The following PCDHGA3 variants were observed in gnomAD, a reference collection of about 807,000 sequenced individuals.
The protein encoded by PCDHGA3 is protocadherin gamma-A3.
PCDHGA3 carries 40 observed loss-of-function variants against 58.5 expected under a neutral mutation model. The observed-to-expected ratio is 0.68, with a 90% CI of 0.53 to 0.89. PCDHGA3 has a LOEUF of 0.89. Ranked by LOEUF, PCDHGA3 falls within the 40% of genes least tolerant of loss-of-function variation. PCDHGA3 has a pLI of 0.00. For missense variants in PCDHGA3, 1,223 were observed against 1,195.9 expected (o/e 1.02, Z -0.33); for synonymous variants, 530 against 525.7 (o/e 1.01, Z -0.11).
At chr5:141,367,861 G>A (rs1344780297) in intron 1 of PCDHGA3, 1 of 152,032 alleles carries the variant, frequency 6.6e-6, no homozygotes, top group Non-Finnish European at 1.5e-5. Context: ...GTTTCTTTAA[G>A]TGTAGGTGCA....
intron 1 of PCDHGA3, among the ~76,000 whole-genome samples, chr5:141,406,975 C>A (rs1434644612): frequency 6.6e-6 from 1 of 152,108 alleles, no homozygotes; most frequent in African/African-American, 2.4e-5. Flanking sequence ...TAGTAAATAA[C>A]ATTTCACAAG....
chr5:141,445,115 A>G (rs1038787011), intron 1 of PCDHGA3, among the ~76,000 whole-genome samples: 1 of 152,308 alleles, frequency 6.6e-6, no homozygotes, highest in East Asian at 1.9e-4. Flanking sequence ...GTTATTGTAA[A>G]TAGTATTTTT....
At chr5:141,473,966 G>A (rs1268822103) in intron 1 of PCDHGA3, among the ~76,000 whole-genome samples, 3 of 152,174 alleles carry the variant, frequency 2.0e-5, no homozygotes, top group Non-Finnish European at 4.4e-5. Context: ...CTACTTAGAA[G>A]TCTGAGGCGG....
At chr5:141,501,423 A>G (rs1195105794) in intron 2 of PCDHGA3, among the ~76,000 whole-genome samples, 4 of 151,966 alleles carry the variant, frequency 2.6e-5, no homozygotes, top group African/African-American at 7.2e-5. Flanking sequence ...AGTTGACTAA[A>G]TGTAGTCCAT....
At chr5:141,362,732 A>G in intron 1 of PCDHGA3, 4 of 795,358 alleles carry the variant, frequency 5.0e-6, no homozygotes. Flanking sequence ...TGTGAGATTT[A>G]TTTACCCATG....
chr5:141,379,834 GA>G (rs199662644), intron 1 of PCDHGA3, among the ~76,000 whole-genome samples: 1 of 141,412 alleles, frequency 7.1e-6, no homozygotes, highest in Non-Finnish European at 1.5e-5. Context: ...GAAGCATCAG[GA>G]AAAAAAACTA....
intron 1 of PCDHGA3, among the ~76,000 whole-genome samples, chr5:141,470,598 G>A (rs2099234276): frequency 6.6e-6 from 1 of 152,184 alleles, no homozygotes; most frequent in Admixed American, 6.5e-5. Flanking sequence ...GGCGACCTGT[G>A]CGGGGACACA....
chr5:141,483,648 TTGTGTGTGTGTGTG>T (rs111458813), intron 1 of PCDHGA3, among the ~76,000 whole-genome samples: 1 of 149,592 alleles, frequency 6.7e-6, no homozygotes, highest in Non-Finnish European at 1.5e-5. Flanking sequence ...GGGTGTGTGT[TTGTGTGTGTGTGTG>T]TGTGTGTAAA....
intron 1 of PCDHGA3, among the ~76,000 whole-genome samples, chr5:141,453,679 T>C (rs960698192): frequency 2.0e-5 from 3 of 152,230 alleles, no homozygotes; most frequent in Non-Finnish European, 2.9e-5. Context: ...GGTAACACAC[T>C]ATGTAGGTAG....
intron 1 of PCDHGA3, chr5:141,366,068 C>T: frequency 6.2e-7 from 1 of 1,614,238 alleles, no homozygotes; most frequent in Admixed American, 1.7e-5. Flanking sequence ...GCTGGCGCCT[C>T]GCTCCGCAGA....
chr5:141,404,754 A>G, intron 1 of PCDHGA3: 1 of 1,612,286 alleles, frequency 6.2e-7, no homozygotes, highest in Non-Finnish European at 8.5e-7. Flanking sequence ...TCAGGCCAGA[A>G]TGCTTGGCTC....
At chr5:141,404,097 T>C in intron 1 of PCDHGA3, 1 of 1,613,584 alleles carries the variant, frequency 6.2e-7, no homozygotes, top group Non-Finnish European at 8.5e-7. Flanking sequence ...AATGGTCAAG[T>C]TGTCTGTTCT....
chr5:141,345,461 C>A lies in PCDHGA3; in HGVS notation c.1428C>A (p.Ala476=). The A allele has an allele frequency of 6.2e-7, 1 of 1,614,160 alleles. No individual in the cohort carries two copies. The highest frequency in any genetic ancestry group is 8.5e-7 in the Non-Finnish European group (1 of 1,180,030). ...GAGCCTCCATCTTCTCAGTGACAGC[C>A]CAGGACCCAGATAGCAACAACAACG... ...PRGASIFSVT[A]QDPDSNNNAR... is the part of the protein sequence containing the mutation. The change falls in exon 1 of 4, where the codon GCC becomes GCA. Residue 476 remains alanine (A), a synonymous_variant. Transcript: ENST00000253812.
At position 141,432,273 on chromosome 5, in the gene PCDHGA3, T is replaced by G. The variant is rs199937628; in HGVS notation, c.2425-62534T>G. 6.8e-6 allele frequency: 11 copies of G among 1,614,238 alleles called. No individual in the cohort carries two copies. In the Admixed American group the frequency reaches 1.7e-4, roughly 24 times the overall value. ...CAAGGGGCAAGCCTATCGTCCTACG[T>G]GTCCATCAACTCCGACACTGGGGTA... On this transcript the variant is annotated intron_variant, in intron 1 of 3. Coordinates refer to ENST00000253812, the MANE Select transcript of PCDHGA3 (RefSeq NM_018916.4). This position sits in a 1 kb window ranked among gnomAD's most constrained non-coding sequence, Gnocchi z 6.0.
At chr5:141,404,593 A>C in intron 1 of PCDHGA3, 1 of 1,614,080 alleles carries the variant, frequency 6.2e-7, no homozygotes, top group Non-Finnish European at 8.5e-7. Flanking sequence ...GCAATGTGTC[A>C]TTGAGACTGT....
chr5:141,423,554 A>G (rs1383467583), intron 1 of PCDHGA3: 8 of 1,613,590 alleles, frequency 5.0e-6, no homozygotes, highest in East Asian at 4.5e-5. Flanking sequence ...CAGCCCAACT[A>G]TGGGGACACG....
intron 3 of PCDHGA3, among the ~76,000 whole-genome samples, chr5:141,506,429 A>G (rs1406730781): frequency 7.0e-6 from 1 of 143,144 alleles, no homozygotes; most frequent in Non-Finnish European, 1.5e-5. Flanking sequence ...CCTGGGCAAC[A>G]GTCTCGCTCT....
chr5:141,426,858 T>G (rs898486771), intron 1 of PCDHGA3: 13 of 456,574 alleles, frequency 2.8e-5, no homozygotes, highest in African/African-American at 8.0e-5. Context: ...CGCTCCAGAA[T>G]TAGTGCTGGA....
intron 1 of PCDHGA3, chr5:141,388,735 C>A: frequency 6.2e-7 from 1 of 1,613,974 alleles, no homozygotes; most frequent in East Asian, 2.2e-5. Context: ...TTCAGTGAAG[C>A]TAGCCAGATC....
Sources: gnomAD v4.1 joint callset for allele counts (sites outside exome capture counted in the v4.1 genomes callset) on GRCh38, gnomAD v4.1.1 for gene constraint, Gnocchi (gnomAD v3.1) non-coding constraint, MANE v1.5 for transcripts, NCBI Gene and HGNC (gene_info 2026-07-23, HGNC 2026-07-21) for gene names.